LYRM4: variants seen among roughly 807,000 people sequenced by gnomAD.
LYRM4 encodes the protein LYR motif-containing protein 4.
Under a neutral mutation model 11.7 loss-of-function variants are expected in LYRM4, and 9 were observed. The observed-to-expected ratio is 0.77, with a 90% CI of 0.46 to 1.34. The LOEUF (loss-of-function observed/expected upper bound fraction) is 1.34. LYRM4 is among the 40% of genes most tolerant of loss of function. The pLI, the probability that LYRM4 is intolerant of heterozygous loss-of-function variation, is 0.00. For synonymous variants in LYRM4, 42 were observed against 40.4 expected (o/e 1.04, Z -0.15); for missense variants, 133 against 112.5 (o/e 1.18, Z -0.82).
chr6:5,151,083 A>ATT (rs1316809168), intron 2 of LYRM4, among the ~76,000 whole-genome samples: 1 of 99,684 alleles, frequency 1.0e-5, no homozygotes, highest in Non-Finnish European at 2.1e-5. Context: ...GTTTGTTTTG[A>ATT]ATTTTTTTTT....
At chr6:5,259,578 T>TA (rs140729251) in intron 1 of LYRM4, among the ~76,000 whole-genome samples, 6,787 of 152,260 alleles carry the variant, frequency 0.045, 226 homozygotes, top group East Asian at 0.1. Flanking sequence ...ACAGAGGTTG[T>TA]ACTGGGCAGA....
the LYRM4 span, among the ~76,000 whole-genome samples, chr6:5,049,499 T>C: frequency 6.6e-6 from 1 of 152,288 alleles, no homozygotes; most frequent in Non-Finnish European, 1.5e-5. Context: ...ATATTAGAAT[T>C]AGTAGGACCT....
chr6:5,086,127 G>A, the LYRM4 span: 1 of 1,477,046 alleles, frequency 6.8e-7, no homozygotes, highest in Non-Finnish European at 8.9e-7. Context: ...AGCGTCTGCA[G>A]CGGCAGCGCG....
rs932990165 is a variant in LYRM4 at position 5,146,622 on chromosome 6, A to G, written c.208-37131T>C. ...CCTCTTCCCAGCACAGCCCCCAGGCATCAATCTTGCTTGACGTTAGGCAGT... is the reference window on the plus strand; with the variant it reads ...CCTCTTCCCAGCACAGCCCCCAGGCGTCAATCTTGCTTGACGTTAGGCAGT... On this transcript the variant is annotated intron_variant, in intron 2 of 2. Coordinates refer to ENST00000330636, the MANE Select transcript of LYRM4 (RefSeq NM_020408.6). 2.6e-5 allele frequency among the ~76,000 whole-genome samples: 4 copies of G among 152,124 alleles called. 1 individual carries two copies.
chr6:5,073,718 C>T, the LYRM4 span, among the ~76,000 whole-genome samples: 1 of 152,086 alleles, frequency 6.6e-6, no homozygotes, highest in African/African-American at 2.4e-5. Context: ...ATGTGAGCCT[C>T]TCCAGAAAGC....
chr6:5,076,844 G>A, the LYRM4 span, among the ~76,000 whole-genome samples: 2 of 152,278 alleles, frequency 1.3e-5, no homozygotes, highest in East Asian at 3.9e-4. Flanking sequence ...ACACGATCAC[G>A]CCAAGGACCT....
rs375676412 is a variant in LYRM4, at chr6:5,237,755, G to C, written c.87-21017C>G. Among the ~76,000 whole-genome samples the C allele has an allele frequency of 2.8e-4, 42 of 152,270 alleles. No individual in the cohort carries two copies. The South Asian group carries it at 7.9e-3, about 29-fold the overall frequency. On this transcript the variant is annotated intron_variant, in intron 1 of 2. Coordinates refer to ENST00000330636, the MANE Select transcript of LYRM4 (RefSeq NM_020408.6). ...GATGTGCCAAGGACCTGCAATTTTGGTTACCTGCAAAATGCTTTCCTACTG... is the reference window on the plus strand; with the variant it reads ...GATGTGCCAAGGACCTGCAATTTTGCTTACCTGCAAAATGCTTTCCTACTG...
chr6:5,246,036 T>G (rs1764181858), intron 1 of LYRM4, among the ~76,000 whole-genome samples: 1 of 152,100 alleles, frequency 6.6e-6, no homozygotes, highest in South Asian at 2.1e-4. Flanking sequence ...TTCTTTCCTT[T>G]AAAAAATTAA....
At chr6:5,177,967 C>G (rs1759816079) in intron 2 of LYRM4, among the ~76,000 whole-genome samples, 1 of 151,916 alleles carries the variant, frequency 6.6e-6, no homozygotes, top group Non-Finnish European at 1.5e-5. Flanking sequence ...ACTGCTCACC[C>G]TGGGCTCTCA....
the LYRM4 span, chr6:5,043,067 C>G: frequency 2.6e-5 from 4 of 152,256 alleles, no homozygotes; most frequent in East Asian, 3.9e-4. Context: ...CCACCAGGAC[C>G]TCCTGCCCTG....
intron 1 of LYRM4, among the ~76,000 whole-genome samples, chr6:5,252,501 A>G (rs371515008): frequency 6.6e-6 from 1 of 152,098 alleles, no homozygotes; most frequent in African/African-American, 2.4e-5. Flanking sequence ...TACTTTTCAC[A>G]TGCCTTACTG....
intron 1 of LYRM4, among the ~76,000 whole-genome samples, chr6:5,254,276 C>T (rs2773317): frequency 0.29 from 43,615 of 152,126 alleles, 7,891 homozygotes; most frequent in African/African-American, 0.51. Flanking sequence ...CGCTAACCAA[C>T]TTCCACTTCT....
intron 2 of LYRM4, among the ~76,000 whole-genome samples, chr6:5,179,068 A>AC (rs1192731639): frequency 1.1e-4 from 5 of 47,052 alleles, no homozygotes; most frequent in East Asian, 1.2e-3. Context: ...AAAAAAACAA[A>AC]AAAAAAAAAA....
the LYRM4 span, among the ~76,000 whole-genome samples, chr6:5,048,531 A>T: frequency 6.6e-6 from 1 of 151,998 alleles, no homozygotes. Flanking sequence ...CTGGTCTTGA[A>T]CTATGTTGCT....
intron 2 of LYRM4, among the ~76,000 whole-genome samples, chr6:5,143,155 G>A (rs1056698886): frequency 4.6e-5 from 7 of 152,166 alleles, no homozygotes; most frequent in South Asian, 2.1e-4. Context: ...ATCTGTTAGC[G>A]CTCTAGGGCC....
intron 2 of LYRM4, among the ~76,000 whole-genome samples, chr6:5,141,439 A>T (rs1757402707): frequency 6.6e-6 from 1 of 152,230 alleles, no homozygotes; most frequent in Admixed American, 6.5e-5. Flanking sequence ...ACAGAAAGGA[A>T]GAGCCTCTTC....
At chr6:5,119,637 A>C (rs1763317373) in intron 2 of LYRM4, among the ~76,000 whole-genome samples, 2 of 151,762 alleles carry the variant, frequency 1.3e-5, no homozygotes. Context: ...AAATACAAAA[A>C]AATTTAGCTG....
At chr6:5,038,467 C>A in the LYRM4 span, among the ~76,000 whole-genome samples, 1 of 68,266 alleles carries the variant, frequency 1.5e-5, no homozygotes, top group South Asian at 5.5e-4. Context: ...AGACGCTCCC[C>A]ACTTCCCAGA....
At chr6:5,143,767 C>A (rs1338574679) in intron 2 of LYRM4, among the ~76,000 whole-genome samples, 1 of 152,186 alleles carries the variant, frequency 6.6e-6, no homozygotes, top group African/African-American at 2.4e-5. Flanking sequence ...ACAAAAAATA[C>A]CAGAGCAAGA....
Sources: allele counts gnomAD v4.1 joint callset (sites outside exome capture counted in the v4.1 genomes callset), GRCh38; gene constraint gnomAD v4.1.1; transcripts MANE v1.5; gene names NCBI Gene and HGNC (gene_info 2026-07-23, HGNC 2026-07-21).